The following SSBP3 variants were observed in gnomAD, a reference collection of about 807,000 sequenced individuals.
SSBP3 encodes single stranded DNA binding protein 3, also known as single-stranded DNA-binding protein 3.
In SSBP3, 5 loss-of-function variants were observed where a neutral mutation model predicts 69.6. The ratio of observed to expected loss-of-function variants is 0.07; its 90% CI spans 0.04 to 0.15. The LOEUF is 0.15. SSBP3 is among the 10% of genes least tolerant of loss of function. The pLI, the probability that SSBP3 is intolerant of heterozygous loss-of-function variation, is 1.00. For synonymous variants in SSBP3, 196 were observed against 193.4 expected (o/e 1.01, Z -0.11); for missense variants, 312 against 534.0 (o/e 0.58, Z 4.10).
chr1:54,257,285 A>G (rs1644938625), intron 6 of SSBP3, 99 bp from the exon 7 acceptor site: 3 of 1,088,058 alleles, frequency 2.8e-6, no homozygotes, highest in Non-Finnish European at 3.8e-6. Flanking sequence ...TGTTATAACT[A>G]GTGATCTTTT....
At chr1:54,225,686 G>A (rs1644274761) in exon 18 of SSBP3, 1 of 209,096 alleles carries the variant, frequency 4.8e-6, no homozygotes, top group Non-Finnish European at 9.4e-6. Context: ...AGGGGAGGGA[G>A]GAAGGAGAAG....
chr1:54,346,025 T>C (rs913540368), intron 4 of SSBP3, among the ~76,000 whole-genome samples: 4 of 150,116 alleles, frequency 2.7e-5, no homozygotes, highest in African/African-American at 9.8e-5. Flanking sequence ...TAGCCAAGTG[T>C]GGCAGCACAC....
chr1:54,311,065 C>A (rs996250314), intron 4 of SSBP3, among the ~76,000 whole-genome samples: 1 of 152,170 alleles, frequency 6.6e-6, no homozygotes, highest in African/African-American at 2.4e-5. Flanking sequence ...TTCGCGGACC[C>A]TAATCGATGG....
At chr1:54,324,273 C>T (rs868534397) in intron 4 of SSBP3, among the ~76,000 whole-genome samples, 9 of 152,310 alleles carry the variant, frequency 5.9e-5, no homozygotes, top group South Asian at 2.1e-4. Context: ...AGCCCCTTTA[C>T]AACAAAATCC....
chr1:54,384,955 G>C (rs1647966704), intron 4 of SSBP3, among the ~76,000 whole-genome samples: 2 of 152,180 alleles, frequency 1.3e-5, no homozygotes, highest in Non-Finnish European at 2.9e-5. Context: ...GACACACCCT[G>C]TCTCCTCTCT....
chr1:54,245,301 G>A (rs1167025933), intron 9 of SSBP3, among the ~76,000 whole-genome samples: 2 of 152,230 alleles, frequency 1.3e-5, no homozygotes, highest in African/African-American at 4.8e-5. Flanking sequence ...GAGACTGAAG[G>A]TCTGAGGGAG....
intron 4 of SSBP3, among the ~76,000 whole-genome samples, chr1:54,291,011 GCTC>G (rs1326104371): frequency 1.3e-5 from 2 of 152,224 alleles, no homozygotes; most frequent in Non-Finnish European, 2.9e-5. Context: ...GCCAGTGACA[GCTC>G]CTTAACAAGA....
At chr1:54,401,810 A>C in intron 4 of SSBP3, 51 bp downstream of exon 4, 7 of 1,499,170 alleles carry the variant, frequency 4.7e-6, no homozygotes, top group Non-Finnish European at 5.6e-6. Context: ...TAGAGAAGTT[A>C]GAGCTATCCA....
intron 3 of SSBP3, 115 bp from the exon 4 acceptor site, chr1:54,402,060 C>A: frequency 1.2e-6 from 1 of 806,176 alleles, no homozygotes; most frequent in South Asian, 1.9e-5. Context: ...CTCAATCCCA[C>A]CTTATCAGCT....
intron 4 of SSBP3, among the ~76,000 whole-genome samples, chr1:54,392,007 C>T (rs1429473795): frequency 6.6e-6 from 1 of 151,344 alleles, no homozygotes; most frequent in Non-Finnish European, 1.5e-5. Flanking sequence ...AAGAGTGTCC[C>T]TGCGCTCTCA....
intron 5 of SSBP3, among the ~76,000 whole-genome samples, chr1:54,268,894 C>G (rs1316551362): frequency 6.6e-6 from 1 of 152,184 alleles, no homozygotes; most frequent in Non-Finnish European, 1.5e-5. Flanking sequence ...GGAAAAGCCC[C>G]AGATTCATGG....
Position 54,228,670 on chromosome 1 carries a change from C to T in SSBP3, c.1006+78G>A. On this transcript the variant is annotated intron_variant, in intron 15 of 17. Coordinates refer to ENST00000610401, the Ensembl canonical transcript of SSBP3. ...AGGCCGGCCAGGGCTCTGTACCAAG[C>T]CCAGCTGAGCCAGGAGCTGAGGCAC... 3 of 1,520,296 alleles carry T rather than the reference C, an allele frequency of 2.0e-6. No individual in the cohort carries two copies. In the African/African-American group the frequency reaches 4.1e-5, roughly 21 times the overall value. The allele number at this position is 1,520,296 out of a possible 1,614,324, so 94.2% of individuals were successfully genotyped here. A position where few individuals can be genotyped will look rare whatever the true frequency, so the allele number is the denominator to read the frequency against.
chr1:54,330,048 C>T (rs558036703), intron 4 of SSBP3, among the ~76,000 whole-genome samples: 1 of 152,136 alleles, frequency 6.6e-6, no homozygotes, highest in African/African-American at 2.4e-5. Context: ...ATAAAAGTAT[C>T]CTGGTTGGGA....
At chr1:54,384,327 C>T (rs1489777009) in intron 4 of SSBP3, among the ~76,000 whole-genome samples, 3 of 152,258 alleles carry the variant, frequency 2.0e-5, no homozygotes, top group Admixed American at 6.5e-5. Context: ...ACTGAGCAGA[C>T]GAACTTGGAC....
chr1:54,340,620 T>G (rs560676593), intron 4 of SSBP3, among the ~76,000 whole-genome samples: 2 of 152,350 alleles, frequency 1.3e-5, no homozygotes, highest in Admixed American at 1.3e-4. Context: ...AAATTTTGCT[T>G]CATCACCCTC....
chr1:54,390,831 C>G (rs928263364), intron 4 of SSBP3, among the ~76,000 whole-genome samples: 1 of 152,292 alleles, frequency 6.6e-6, no homozygotes, highest in East Asian at 1.9e-4. Flanking sequence ...GGCCGGCAGG[C>G]GGGCAGCGCT....
intron 4 of SSBP3, among the ~76,000 whole-genome samples, chr1:54,298,375 G>A (rs1645739800): frequency 1.3e-5 from 2 of 152,186 alleles, no homozygotes; most frequent in South Asian, 2.1e-4. Flanking sequence ...GAAGTTCAGC[G>A]AAGCAGTCCC....
chr1:54,371,598 TCTAAAGTGAGG>T (rs1337760955), intron 4 of SSBP3, among the ~76,000 whole-genome samples: 1 of 152,188 alleles, frequency 6.6e-6, no homozygotes, highest in Non-Finnish European at 1.5e-5. Flanking sequence ...TACCGCCTCT[TCTAAAGTGAGG>T]CTAAAATCAC....
At chr1:54,317,054 T>G (rs1195318509) in intron 4 of SSBP3, among the ~76,000 whole-genome samples, 1 of 152,162 alleles carries the variant, frequency 6.6e-6, no homozygotes, top group African/African-American at 2.4e-5. Context: ...ACAATGTGAA[T>G]TTTGGGGAGA....
Sources: gnomAD v4.1 joint callset for allele counts (sites outside exome capture counted in the v4.1 genomes callset) on GRCh38, gnomAD v4.1.1 for gene constraint, MANE v1.5 for transcripts, NCBI Gene and HGNC (gene_info 2026-07-23, HGNC 2026-07-21) for gene names.